The following CASZ1 variants were observed in gnomAD, a reference collection of about 807,000 sequenced individuals.
The protein encoded by CASZ1 is zinc finger protein castor homolog 1.
Under a neutral mutation model 135.2 loss-of-function variants are expected in CASZ1, and 28 were observed. The ratio of observed to expected loss-of-function variants is 0.21; its 90% CI spans 0.15 to 0.28. CASZ1 has a LOEUF of 0.28. Among genes scored for constraint, CASZ1 ranks in the 10% least tolerant of loss-of-function variants. The pLI, the probability that CASZ1 is intolerant of heterozygous loss-of-function variation, is 1.00. For synonymous variants in CASZ1, 1,068 were observed against 1,073.4 expected, an observed-to-expected ratio of 0.99 and a Z score of 0.10; for missense variants, 2,161 against 2,453.3, an observed-to-expected ratio of 0.88 and a Z score of 2.52.
rs913295818 is a variant in CASZ1, at chr1:10,774,044, G to A, written c.-233-13187C>T. 6.6e-6 allele frequency among the ~76,000 whole-genome samples: 1 copy of A among 152,166 alleles called. No homozygotes were observed. Among genetic ancestry groups the A allele is most frequent in the Admixed American group, 6.5e-5 (1 of 15,282 alleles). On this transcript the variant is annotated intron_variant, in intron 1 of 20. Coordinates refer to ENST00000377022, the MANE Select transcript of CASZ1 (RefSeq NM_001079843.3). This position sits in a 1 kb window ranked among gnomAD's most constrained non-coding sequence, Gnocchi z 4.4. ...TAACTCTGATCCCAGCACAGAGGTG[G>A]GACCTGAGGGAGTGGGCAGGTGCCT... is the stretch of plus-strand genomic sequence containing the variant.
intron 1 of CASZ1, among the ~76,000 whole-genome samples, chr1:10,785,057 GTCTC>G (rs111606813): frequency 6.8e-6 from 1 of 146,820 alleles, no homozygotes; most frequent in South Asian, 2.2e-4. Flanking sequence ...CTTTCTTTCT[GTCTC>G]TCTCTCTCTC....
chr1:10,750,986 G>A (rs1156400898), intron 2 of CASZ1, among the ~76,000 whole-genome samples: 2 of 151,718 alleles, frequency 1.3e-5, no homozygotes, highest in South Asian at 2.1e-4. Flanking sequence ...GGATTTGAGA[G>A]CTGCTGCGTG....
rs1301032110 is a variant in CASZ1, at chr1:10,694,049, C to G, written c.-23-137G>C. The G allele has an allele frequency of 6.9e-6, 5 of 722,808 alleles. No individual in the cohort carries two copies. The highest frequency in any genetic ancestry group is 1.1e-5 in the Non-Finnish European group (5 of 472,640). 44.8% of individuals were successfully genotyped at this position (722,808 alleles called of 1,614,324 possible). A position where few individuals can be genotyped will look rare whatever the true frequency, so the allele number is the denominator to read the frequency against. On this transcript the variant is annotated intron_variant, in intron 3 of 20. Transcript: ENST00000377022. This position sits in a 1 kb window ranked among gnomAD's most constrained non-coding sequence, Gnocchi z 6.6. ...TCCCGGGCGGGCGCCGAGGCCGCGG[C>G]GGAGAAACTTTCTCCTCCGCGCCGC...
At chr1:10,642,624 G>A (rs1283343269) in intron 20 of CASZ1, among the ~76,000 whole-genome samples, 1 of 152,310 alleles carries the variant, frequency 6.6e-6, no homozygotes, top group East Asian at 1.9e-4. Flanking sequence ...GCTCAGAGAG[G>A]ACGGGCCCAG....
Position 10,679,480 on chromosome 1 carries a change from C to T in CASZ1, c.17-13909G>A, listed in dbSNP as rs190660898. On this transcript the variant is annotated intron_variant, in intron 4 of 20. Coordinates refer to ENST00000377022, the MANE Select transcript of CASZ1 (RefSeq NM_001079843.3). This position sits in a 1 kb window ranked among gnomAD's most constrained non-coding sequence, Gnocchi z 4.7. ...TCAGGATGACTCGGGCCAGCTGTCT[C>T]GATGGTGCTACCAAGCAATGTAGCA... Among the ~76,000 whole-genome samples, 265 of 152,272 alleles carry T rather than the reference C, an allele frequency of 1.7e-3. 1 individual carries two copies. Among genetic ancestry groups the T allele is most frequent in the African/African-American group, 5.9e-3 (246 of 41,560 alleles).
intron 20 of CASZ1, among the ~76,000 whole-genome samples, chr1:10,641,169 G>A (rs1570393555): frequency 6.6e-6 from 1 of 152,386 alleles, no homozygotes; most frequent in South Asian, 2.1e-4. Flanking sequence ...CAAAAACGGA[G>A]AGAGACTAAG....
At chr1:10,672,486 G>A (rs1484362618) in intron 4 of CASZ1, among the ~76,000 whole-genome samples, 2 of 145,262 alleles carry the variant, frequency 1.4e-5, no homozygotes, top group South Asian at 2.2e-4. Context: ...CCGCCCGCCG[G>A]CCCGCCCCCC....
intron 11 of CASZ1, chr1:10,653,133 G>GC (rs1004307618): frequency 1.7e-6 from 1 of 589,948 alleles, no homozygotes; most frequent in Non-Finnish European, 3.1e-6. Flanking sequence ...AGGGACCATC[G>GC]CCCCCAGCTC....
rs969276229 is a variant in CASZ1, at chr1:10,725,097, G to A, written c.-76-19553C>T. Reference sequence around the variant, plus strand: ...GCAGGTGGCTGTTCTTCCCTGGAGGGAGGGGGCTTGGGCTCCCCTCGGTGG... The same window carrying A: ...GCAGGTGGCTGTTCTTCCCTGGAGGAAGGGGGCTTGGGCTCCCCTCGGTGG... On this transcript the variant is annotated intron_variant, in intron 2 of 20. Transcript: ENST00000377022. This position sits in a 1 kb window ranked among gnomAD's most constrained non-coding sequence, Gnocchi z 4.4. Among the ~76,000 whole-genome samples the A allele has an allele frequency of 6.6e-6, 1 of 152,226 alleles. No homozygotes were observed. The highest frequency in any genetic ancestry group is 2.4e-5 in the African/African-American group (1 of 41,464).
At position 10,694,022 on chromosome 1, in the gene CASZ1, C is replaced by T; in HGVS notation, c.-23-110G>A. On this transcript the variant is annotated intron_variant, in intron 3 of 20. Transcript: ENST00000377022. The surrounding 1 kb of genome is among the most constrained non-coding windows in gnomAD (Gnocchi z 6.6). ...TGTCCCCCGCCCCGCAGGAGCGGCC[C>T]GTCCCGGGCGGGCGCCGAGGCCGCG... The T allele has an allele frequency of 9.7e-7, 1 of 1,034,736 alleles. No individual in the cohort carries two copies. The highest frequency in any genetic ancestry group is 3.3e-5 in the Admixed American group (1 of 30,190). 64.1% of individuals were successfully genotyped at this position (1,034,736 alleles called of 1,614,324 possible). A position where few individuals can be genotyped will look rare whatever the true frequency, so the allele number is the denominator to read the frequency against.
At chr1:10,708,753 A>G (rs867737950) in intron 2 of CASZ1, among the ~76,000 whole-genome samples, 7 of 152,036 alleles carry the variant, frequency 4.6e-5, no homozygotes. Flanking sequence ...CTAATCATTA[A>G]TTATAAAAGA....
chr1:10,769,113 C>T (rs1006445439), intron 1 of CASZ1, among the ~76,000 whole-genome samples: 10 of 152,176 alleles, frequency 6.6e-5, no homozygotes, highest in African/African-American at 2.4e-4. Flanking sequence ...GCACTCCAGC[C>T]TGGGCAACAG....
At position 10,712,239 on chromosome 1, in the gene CASZ1, G is replaced by A. The variant is rs193173180; in HGVS notation, c.-76-6695C>T. Reference sequence around the variant, plus strand: ...TGGGCGCCTGTAATCCCAGCTACTCGGGAGGCTGAGGCAGGAAAATCACTT... The same window carrying A: ...TGGGCGCCTGTAATCCCAGCTACTCAGGAGGCTGAGGCAGGAAAATCACTT... On this transcript the variant is annotated intron_variant, in intron 2 of 20. Coordinates refer to ENST00000377022, the MANE Select transcript of CASZ1 (RefSeq NM_001079843.3). Among the ~76,000 whole-genome samples, 975 of 152,132 alleles carry A rather than the reference G, an allele frequency of 6.4e-3. 16 individuals are homozygous for A. The highest frequency in any genetic ancestry group is 0.022 in the African/African-American group (930 of 41,484).
Position 10,639,092 on chromosome 1 carries a change from G to GTCGTCCTCGTCGTCGTCC in CASZ1, c.5112_5129dup (p.Glu1704_Asp1709dup). ...AGTCGGTGCGCAGGTCCTCGTCGTC[G>GTCGTCCTCGTCGTCGTCC]TCGTCCTCGTCGTCGTCCTCGTCGT... On this transcript the variant is annotated inframe_insertion, in exon 21 of 21. Coordinates refer to ENST00000377022, the MANE Select transcript of CASZ1 (RefSeq NM_001079843.3). This position sits in a 1 kb window ranked among gnomAD's most constrained non-coding sequence, Gnocchi z 4.0. 9.3e-7 allele frequency: 1 copy of GTCGTCCTCGTCGTCGTCC among 1,076,510 alleles called. No homozygotes were observed. The highest frequency in any genetic ancestry group is 1.2e-6 in the Non-Finnish European group (1 of 854,186). 66.7% of individuals were successfully genotyped at this position (1,076,510 alleles called of 1,614,324 possible).
In CASZ1 at chr1:10,724,666, C is replaced by G. The variant is rs2100493008; in HGVS notation, c.-76-19122G>C. Among the ~76,000 whole-genome samples the G allele has an allele frequency of 6.6e-6, 1 of 152,324 alleles. No individual in the cohort carries two copies. The highest frequency in any genetic ancestry group is 2.1e-4 in the South Asian group (1 of 4,828). ...CCCAGCCAAAGCAAGCAGGGCCTAG[C>G]ACGAGCTCCAAGGTTGCCCCTGGTC... On this transcript the variant is annotated intron_variant, in intron 2 of 20. Transcript: ENST00000377022. The surrounding 1 kb of genome is among the most constrained non-coding windows in gnomAD (Gnocchi z 4.1).
At position 10,694,427 on chromosome 1, in the gene CASZ1, C is replaced by T. The variant is rs1277290795; in HGVS notation, c.-23-515G>A. ...AAAGCCCTGATGTCATTGCTCCTGCCGGTAACACTCAGGGTAACAGTTTGG... is the reference window on the plus strand; with the variant it reads ...AAAGCCCTGATGTCATTGCTCCTGCTGGTAACACTCAGGGTAACAGTTTGG... On this transcript the variant is annotated intron_variant, in intron 3 of 20. Transcript: ENST00000377022. The surrounding 1 kb of genome is among the most constrained non-coding windows in gnomAD (Gnocchi z 6.6). 2.1e-6 allele frequency: 1 copy of T among 487,734 alleles called. No homozygotes were observed. Among genetic ancestry groups the T allele is most frequent in the South Asian group, 4.0e-5 (1 of 24,794 alleles). 30.2% of individuals were successfully genotyped at this position (487,734 alleles called of 1,614,324 possible).
At position 10,647,599 on chromosome 1, in the gene CASZ1, G is replaced by C; in HGVS notation, c.3497+202C>G. 7.0e-7 allele frequency: 1 copy of C among 1,435,528 alleles called. No homozygotes were observed. The highest frequency in any genetic ancestry group is 9.1e-7 in the Non-Finnish European group (1 of 1,098,198). The allele number at this position is 1,435,528 out of a possible 1,614,324, so 88.9% of individuals were successfully genotyped here. On this transcript the variant is annotated intron_variant, in intron 16 of 20. Coordinates refer to ENST00000377022, the MANE Select transcript of CASZ1 (RefSeq NM_001079843.3). The surrounding 1 kb of genome is among the most constrained non-coding windows in gnomAD (Gnocchi z 4.9). ...CTGCCGCCACCATCGGCCCACGCGG[G>C]CTGGCCTGCTCTGGGACAGGCAGTG...
intron 2 of CASZ1, among the ~76,000 whole-genome samples, chr1:10,713,311 T>G (rs112872051): frequency 2.6e-5 from 4 of 152,318 alleles, no homozygotes; most frequent in African/African-American, 7.2e-5. Context: ...ATTTTGTTAC[T>G]TATTTATTTA....
chr1:10,723,334 C>T (rs187211402), intron 2 of CASZ1, among the ~76,000 whole-genome samples: 134 of 152,314 alleles, frequency 8.8e-4, no homozygotes, highest in Admixed American at 1.8e-3. Context: ...ACCACAGTCA[C>T]TCACAGATAC....
Sources: allele counts gnomAD v4.1 joint callset (sites outside exome capture counted in the v4.1 genomes callset), GRCh38; gene constraint gnomAD v4.1.1; non-coding constraint Gnocchi (gnomAD v3.1); transcripts MANE v1.5; gene names NCBI Gene and HGNC (gene_info 2026-07-23, HGNC 2026-07-21).